The following TNRC18 variants were observed in gnomAD, a reference collection of about 807,000 sequenced individuals.
TNRC18 encodes trinucleotide repeat-containing gene 18 protein.
In TNRC18, 69 loss-of-function variants were observed where a neutral mutation model predicts 226.7. The ratio of observed to expected loss-of-function variants is 0.30; its 90% CI spans 0.25 to 0.37. The LOEUF (loss-of-function observed/expected upper bound fraction) is 0.37, where lower values mean the gene tolerates loss of function less well. Ranked by LOEUF, TNRC18 falls within the 10% of genes least tolerant of loss-of-function variation. The probability of loss-of-function intolerance (pLI) is 1.00; values close to 1 mark genes in which losing one functional copy is unlikely to be tolerated. For missense variants in TNRC18, 4,754 were observed against 4,256.6 expected (o/e 1.12, Z -3.25); for synonymous variants, 2,449 against 1,927.6 (o/e 1.27, Z -7.09).
chr7:5,367,924 G>A (rs1047475491), intron 11 of TNRC18, among the ~76,000 whole-genome samples: 5 of 151,994 alleles, frequency 3.3e-5, no homozygotes, highest in African/African-American at 1.2e-4. Context: ...CAGTCACAAA[G>A]CCTTGAAAAA....
chr7:5,324,241 C>G lies in TNRC18; in HGVS notation c.6415G>C (p.Gly2139Arg). Residue 2139 changes from glycine to arginine, a missense_variant, in exon 21 of 30, where the codon GGG becomes CGG. Gly to Arg is a moderately radical substitution (Grantham distance 125). Transcript: ENST00000430969. This position sits in a 1 kb window ranked among gnomAD's most constrained non-coding sequence, Gnocchi z 4.8. ...GGGGTCAGCGGCCGCTCCACAGCCC[C>G]GCCACGCGGCAGGTGCTCGTCCTCA... ...FSEDEHLPRGGAVERPLTPAP... is the reference protein window; with the variant it reads ...FSEDEHLPRGRAVERPLTPAP... 1 of 1,610,480 alleles carries G rather than the reference C, an allele frequency of 6.2e-7. No homozygotes were observed. Among genetic ancestry groups the G allele is most frequent in the Non-Finnish European group, 8.5e-7 (1 of 1,178,992 alleles).
chr7:5,349,203 C>T lies in TNRC18; in HGVS notation c.5470+2616G>A, dbSNP rs540699540. On this transcript the variant is annotated intron_variant, in intron 17 of 29. Coordinates refer to ENST00000430969, the MANE Select transcript of TNRC18 (RefSeq NM_001080495.3). ...CATGGGAGACCCTCCCGCCTCCCTGCGTGCTTGACAAGGCCACACCCGCTG... is the reference window on the plus strand; with the variant it reads ...CATGGGAGACCCTCCCGCCTCCCTGTGTGCTTGACAAGGCCACACCCGCTG... 5.9e-5 allele frequency among the ~76,000 whole-genome samples: 9 copies of T among 152,274 alleles called. No individual in the cohort carries two copies. In the East Asian group the frequency reaches 1.4e-3, roughly 23 times the overall value.
chr7:5,406,003 G>A (rs1197906088), intron 2 of TNRC18, among the ~76,000 whole-genome samples: 1 of 152,176 alleles, frequency 6.6e-6, no homozygotes, highest in Admixed American at 6.5e-5. Flanking sequence ...ACAGTCAAAG[G>A]GTAGAAAGAA....
chr7:5,414,503 C>T (rs913112813), intron 2 of TNRC18, among the ~76,000 whole-genome samples: 33 of 152,088 alleles, frequency 2.2e-4, no homozygotes, highest in African/African-American at 7.0e-4. Flanking sequence ...AACTCCGCCT[C>T]CCAGGTTCAC....
At chr7:5,411,611 A>G (rs1781850828) in intron 2 of TNRC18, among the ~76,000 whole-genome samples, 1 of 152,100 alleles carries the variant, frequency 6.6e-6, no homozygotes, top group South Asian at 2.1e-4. Context: ...CAGGCATACT[A>G]GGACCCAAAA....
rs1202592450 is a variant in TNRC18 at position 5,312,929 on chromosome 7, A to C, written c.7962T>G (p.Ser2654=). 4 of 1,422,536 alleles carry C rather than the reference A, an allele frequency of 2.8e-6. No homozygotes were observed. Among genetic ancestry groups the C allele is most frequent in the Non-Finnish European group, 3.8e-6 (4 of 1,060,440 alleles). The allele number at this position is 1,422,536 out of a possible 1,614,324, so 88.1% of individuals were successfully genotyped here. The change falls in exon 27 of 30, where the codon TCT becomes TCG. Residue 2654 remains serine, a synonymous_variant. Transcript: ENST00000430969. The surrounding 1 kb of genome is among the most constrained non-coding windows in gnomAD (Gnocchi z 6.3). ...AGGAGGAGGAGGATGAGGACGAGGA[A>C]GAGGAGGAGGAGGAAGAGGAGGAAG... ...SSSSSSSSSS[S]SSSSSSSSSS...
At position 5,359,646 on chromosome 7, in the gene TNRC18, G is replaced by A. The variant is rs1583905655; in HGVS notation, c.4662-77C>T. 5.0e-5 allele frequency: 79 copies of A among 1,570,636 alleles called. No individual in the cohort carries two copies. In the East Asian group the frequency reaches 1.7e-3, roughly 35 times the overall value. On this transcript the variant is annotated intron_variant, in intron 14 of 29. Coordinates refer to ENST00000430969, the MANE Select transcript of TNRC18 (RefSeq NM_001080495.3). ...GGCTGAGGTCCACCCTCATGGCCCT[G>A]AAGGGTTGGGCTCTGGACCCTGAGC...
At chr7:5,328,180 T>C (rs903231659) in intron 19 of TNRC18, among the ~76,000 whole-genome samples, 6 of 151,542 alleles carry the variant, frequency 4.0e-5, no homozygotes, top group African/African-American at 1.2e-4. Context: ...GTTGCACCAC[T>C]GTACTCCAGC....
At chr7:5,345,910 G>A in intron 17 of TNRC18, 100 bp from the exon 18 acceptor site, 3 of 1,443,482 alleles carry the variant, frequency 2.1e-6, no homozygotes, top group Non-Finnish European at 2.7e-6. Flanking sequence ...CTCCAGCCTA[G>A]TCCCTCAGTC....
At chr7:5,370,108 G>A (rs1794004530) in intron 11 of TNRC18, among the ~76,000 whole-genome samples, 1 of 152,072 alleles carries the variant, frequency 6.6e-6, no homozygotes. Flanking sequence ...TTGAGTCCAG[G>A]AGTTTGAGAC....
intron 25 of TNRC18, 93 bp downstream of exon 25, chr7:5,315,863 A>C: frequency 1.1e-6 from 1 of 927,306 alleles, no homozygotes. Flanking sequence ...GCTCCAAATG[A>C]CTTCAGACAG....
At position 5,313,600 on chromosome 7, in the gene TNRC18, G is replaced by A. The variant is rs781209483; in HGVS notation, c.7291C>T (p.Pro2431Ser). ...TTCTTGGGCTTGGGGCGTGTGGCAG[G>A]CATGGTGATGAGGGGTGCTGGGGCC... ...SLAPAPLITM[P>S]ATRPKPKKAR... The change falls in exon 27 of 30, where the codon CCT (proline) becomes TCT (serine). Residue 2431 changes from proline to serine, a missense_variant. Pro to Ser is a moderately conservative substitution (Grantham distance 74). Transcript: ENST00000430969. The A allele has an allele frequency of 1.9e-6, 3 of 1,603,462 alleles. No homozygotes were observed. The highest frequency in any genetic ancestry group is 2.6e-6 in the Non-Finnish European group (3 of 1,175,988).
chr7:5,326,676 G>A (rs190068259), intron 19 of TNRC18, among the ~76,000 whole-genome samples: 9 of 151,546 alleles, frequency 5.9e-5, no homozygotes, highest in African/African-American at 1.5e-4. Context: ...GCATGGTGGC[G>A]GGTGCCTGTA....
chr7:5,347,754 A>C (rs1252992650), intron 17 of TNRC18, among the ~76,000 whole-genome samples: 1 of 151,940 alleles, frequency 6.6e-6, no homozygotes, highest in East Asian at 2.0e-4. Flanking sequence ...CAGGAGTTCG[A>C]GACCAGCCTG....
chr7:5,418,813 C>A (rs1364557914), intron 2 of TNRC18, among the ~76,000 whole-genome samples: 1 of 152,138 alleles, frequency 6.6e-6, no homozygotes, highest in Non-Finnish European at 1.5e-5. Flanking sequence ...GTAATCCGGC[C>A]CAGCCCCAAG....
At chr7:5,404,958 CA>C (rs941012561) in intron 2 of TNRC18, among the ~76,000 whole-genome samples, 2 of 148,048 alleles carry the variant, frequency 1.4e-5, no homozygotes, top group South Asian at 2.1e-4. Flanking sequence ...TACTAAAATA[CA>C]AAAAAAAAAT....
intron 19 of TNRC18, among the ~76,000 whole-genome samples, chr7:5,330,404 T>G (rs1480949020): frequency 1.3e-5 from 2 of 148,358 alleles, no homozygotes; most frequent in Admixed American, 6.8e-5. Flanking sequence ...AGCTAATTGT[T>G]TTTTTGTTGT....
At position 5,332,717 on chromosome 7, in the gene TNRC18, C is replaced by G; in HGVS notation, c.6052G>C (p.Ala2018Pro). ...CAGCGGCTGGTCTTGGTGGCGGGCG[C>G]GGTGCTGACGGGCGCAGGTGCAGCA... ...SAAAPAPVST[A>P]PATKTSRCAK... Residue 2018 changes from alanine (A) to proline (P), a missense_variant, in exon 19 of 30, where the codon GCG becomes CCG. By Grantham distance (27) the Ala-to-Pro change is conservative. Transcript: ENST00000430969. The G allele has an allele frequency of 6.6e-7, 1 of 1,525,878 alleles. No individual in the cohort carries two copies. Among genetic ancestry groups the G allele is most frequent in the Non-Finnish European group, 8.8e-7 (1 of 1,141,090 alleles). The allele number at this position is 1,525,878 out of a possible 1,614,324, so 94.5% of individuals were successfully genotyped here.
intron 9 of TNRC18, 54 bp from the exon 10 acceptor site, chr7:5,374,538 A>G: frequency 1.3e-6 from 2 of 1,502,212 alleles, no homozygotes; most frequent in Non-Finnish European, 1.8e-6. Context: ...CCCCTCCCCG[A>G]CGCCCGCACC....
Sources: gnomAD v4.1 joint callset for allele counts (sites outside exome capture counted in the v4.1 genomes callset) on GRCh38, gnomAD v4.1.1 for gene constraint, Gnocchi (gnomAD v3.1) non-coding constraint, MANE v1.5 for transcripts, NCBI Gene and HGNC (gene_info 2026-07-23, HGNC 2026-07-21) for gene names.